The following DLG2 variants were observed in gnomAD, a reference collection of about 807,000 sequenced individuals.
DLG2 encodes disks large homolog 2.
A neutral mutation model predicts 132.5 loss-of-function variants in DLG2; 45 were observed. The observed-to-expected ratio is 0.34, with a 90% CI of 0.27 to 0.44. The LOEUF is 0.44. DLG2 is among the 20% of genes least tolerant of loss of function. The probability of loss-of-function intolerance (pLI) is 1.00; values close to 1 mark genes in which losing one functional copy is unlikely to be tolerated. For missense variants in DLG2, 1,045 were observed against 1,196.9 expected (o/e 0.87, Z 1.87); for synonymous variants, 424 against 419.6 (o/e 1.01, Z -0.13).
At chr11:84,580,415 A>C (rs2099513642) in intron 6 of DLG2, among the ~76,000 whole-genome samples, 1 of 152,160 alleles carries the variant, frequency 6.6e-6, no homozygotes, top group African/African-American at 2.4e-5. Context: ...CCTCTTACAC[A>C]CACTACATTA....
intron 5 of DLG2, among the ~76,000 whole-genome samples, chr11:85,113,158 A>C (rs2073044789): frequency 6.6e-6 from 1 of 152,058 alleles, no homozygotes; most frequent in African/African-American, 2.4e-5. Flanking sequence ...GCAGCAGAGT[A>C]CAGAAGGTAC....
At chr11:84,470,215 AAAGAT>A (rs1276508800) in intron 7 of DLG2, among the ~76,000 whole-genome samples, 5 of 151,868 alleles carry the variant, frequency 3.3e-5, no homozygotes, top group African/African-American at 1.2e-4. Context: ...CTAAATCAGG[AAAGAT>A]AAGAGGAAAA....
chr11:85,500,832 G>A lies in DLG2; in HGVS notation c.40+97825C>T, dbSNP rs150980386. On this transcript the variant is annotated intron_variant, in intron 3 of 27. Coordinates refer to ENST00000376104, the MANE Select transcript of DLG2 (RefSeq NM_001142699.3). ...TAGGAAGAATCAATATCGTGCAAAT[G>A]GCATTACTGCCCAAAGTAATTTATG... is the stretch of plus-strand genomic sequence containing the variant. Among the ~76,000 whole-genome samples the A allele has an allele frequency of 9.3e-4, 142 of 152,322 alleles. 1 individual carries two copies. The highest frequency in any genetic ancestry group is 3.2e-3 in the African/African-American group (135 of 41,578).
intron 15 of DLG2, among the ~76,000 whole-genome samples, chr11:83,914,769 G>C (rs1032891913): frequency 2.6e-5 from 4 of 152,152 alleles, no homozygotes; most frequent in Admixed American, 2.6e-4. Context: ...ACAACAATCT[G>C]AATGGTAAGT....
intron 5 of DLG2, among the ~76,000 whole-genome samples, chr11:85,138,419 T>C (rs1257058737): frequency 6.6e-6 from 1 of 152,144 alleles, no homozygotes; most frequent in African/African-American, 2.4e-5. Flanking sequence ...ATCCAAATAG[T>C]TGTGTGCAAG....
At chr11:84,098,823 A>C in intron 10 of DLG2, 100 bp downstream of exon 10, 1 of 1,384,190 alleles carries the variant, frequency 7.2e-7, no homozygotes. Flanking sequence ...TCTTTCAAGT[A>C]CAGAACTTTT....
chr11:84,559,579 T>C (rs2099419119), intron 6 of DLG2, among the ~76,000 whole-genome samples: 2 of 152,144 alleles, frequency 1.3e-5, no homozygotes, highest in South Asian at 4.1e-4. Context: ...TTGATTTCTT[T>C]TAAAAGCTCT....
chr11:85,460,505 T>A (rs1408075628), intron 3 of DLG2, among the ~76,000 whole-genome samples: 1 of 152,202 alleles, frequency 6.6e-6, no homozygotes, highest in Non-Finnish European at 1.5e-5. Context: ...GGGTGGGCAG[T>A]TGTCCTGTCT....
intron 6 of DLG2, among the ~76,000 whole-genome samples, chr11:84,580,450 CCT>C (rs1465252965): frequency 6.6e-6 from 1 of 152,194 alleles, no homozygotes; most frequent in African/African-American, 2.4e-5. Context: ...TGTTTGCCCT[CCT>C]CTGTCTTTGG....
At chr11:83,813,068 C>A (rs749373054) in intron 17 of DLG2, among the ~76,000 whole-genome samples, 5 of 152,064 alleles carry the variant, frequency 3.3e-5, no homozygotes, top group South Asian at 2.1e-4. Flanking sequence ...GTCATTGGCT[C>A]CATTTTATAA....
At chr11:85,140,401 A>T (rs2076389876) in intron 5 of DLG2, among the ~76,000 whole-genome samples, 1 of 151,986 alleles carries the variant, frequency 6.6e-6, no homozygotes, top group African/African-American at 2.4e-5. Flanking sequence ...GCACAGAATA[A>T]TTTTTGTAGA....
In DLG2 at chr11:83,621,722, C is replaced by T. The variant is rs140836230; in HGVS notation, c.1940+11489G>A. 8.4e-3 allele frequency among the ~76,000 whole-genome samples: 1,272 copies of T among 152,172 alleles called. 14 individuals are homozygous for T. The highest frequency in any genetic ancestry group is 0.021 in the African/African-American group (881 of 41,518). On this transcript the variant is annotated intron_variant, in intron 19 of 27. Transcript: ENST00000376104. ...TAAGGCCTGGATCCTTGAAAATGTT[C>T]CCAGTGCTGATTTTGTGTTTCTTAC... is the stretch of plus-strand genomic sequence containing the variant.
chr11:84,838,019 C>T (rs1480390448), intron 6 of DLG2, among the ~76,000 whole-genome samples: 1 of 151,764 alleles, frequency 6.6e-6, no homozygotes, highest in African/African-American at 2.4e-5. Flanking sequence ...TATCACTGAT[C>T]TAAGAATATT....
chr11:85,623,452 G>A (rs1443961185), intron 2 of DLG2, among the ~76,000 whole-genome samples: 1 of 151,982 alleles, frequency 6.6e-6, no homozygotes, highest in African/African-American at 2.4e-5. Flanking sequence ...TTACAGGCAC[G>A]CACCACTATG....
intron 6 of DLG2, among the ~76,000 whole-genome samples, chr11:84,788,202 A>T (rs1368845597): frequency 6.6e-6 from 1 of 152,072 alleles, no homozygotes; most frequent in Non-Finnish European, 1.5e-5. Flanking sequence ...TAAAAACAAA[A>T]ATAGTAAAAC....
chr11:85,519,058 C>A (rs2094225589), intron 3 of DLG2, among the ~76,000 whole-genome samples: 1 of 152,140 alleles, frequency 6.6e-6, no homozygotes, highest in Non-Finnish European at 1.5e-5. Context: ...CAGAAGTTTG[C>A]TGTGGGGGCA....
chr11:84,627,872 AACTC>A (rs2099625389), intron 6 of DLG2, among the ~76,000 whole-genome samples: 1 of 152,028 alleles, frequency 6.6e-6, no homozygotes, highest in Non-Finnish European at 1.5e-5. Context: ...ATCTCATGAG[AACTC>A]ACTCACTATC....
chr11:84,717,077 C>A (rs11234142), intron 6 of DLG2, among the ~76,000 whole-genome samples: 1 of 152,152 alleles, frequency 6.6e-6, no homozygotes, highest in East Asian at 1.9e-4. Context: ...AGCTTGAAAG[C>A]TCAAATTACT....
intron 7 of DLG2, among the ~76,000 whole-genome samples, chr11:84,484,030 G>T (rs1314617623): frequency 6.6e-6 from 1 of 152,150 alleles, no homozygotes; most frequent in African/African-American, 2.4e-5. Context: ...TAGAGGGACA[G>T]CAGGAGTCAG....
Sources: gnomAD v4.1 joint callset for allele counts (sites outside exome capture counted in the v4.1 genomes callset) on GRCh38, gnomAD v4.1.1 for gene constraint, MANE v1.5 for transcripts, NCBI Gene and HGNC (gene_info 2026-07-23, HGNC 2026-07-21) for gene names.